The following CNTNAP2 variants were observed in gnomAD, a reference collection of about 807,000 sequenced individuals.
CNTNAP2 encodes the protein contactin-associated protein-like 2.
CNTNAP2 carries 98 observed loss-of-function variants against 155.2 expected under a neutral mutation model. The observed-to-expected ratio is 0.63, with a 90% CI of 0.54 to 0.75. CNTNAP2 has a LOEUF of 0.75. Ranked by LOEUF, CNTNAP2 falls within the 30% of genes least tolerant of loss-of-function variation. CNTNAP2 has a pLI of 0.00. For synonymous variants in CNTNAP2, 651 were observed against 631.2 expected (o/e 1.03, Z -0.47); for missense variants, 1,727 against 1,688.1 (o/e 1.02, Z -0.40).
At chr7:146,319,544 A>C (rs1464308663) in intron 1 of CNTNAP2, among the ~76,000 whole-genome samples, 1 of 152,214 alleles carries the variant, frequency 6.6e-6, no homozygotes, top group East Asian at 1.9e-4. Context: ...TTCTTATAGC[A>C]AATGTGTTAA....
intron 8 of CNTNAP2, among the ~76,000 whole-genome samples, chr7:147,280,826 C>T (rs1805018042): frequency 6.6e-6 from 1 of 151,770 alleles, no homozygotes; most frequent in Non-Finnish European, 1.5e-5. Flanking sequence ...GTAAGATATC[C>T]TTTTCATTGT....
In CNTNAP2 at chr7:148,118,022, T is replaced by C. The variant is rs1804513246; in HGVS notation, c.2384-96T>C. On this transcript the variant is annotated intron_variant, in intron 15 of 23. Coordinates refer to ENST00000361727, the MANE Select transcript of CNTNAP2 (RefSeq NM_014141.6). ...AATGAGAGAAAATAATGACTATTGCTAATGGTACTTATTAAACTCAAGCAA... is the reference window on the plus strand; with the variant it reads ...AATGAGAGAAAATAATGACTATTGCCAATGGTACTTATTAAACTCAAGCAA... The C allele has an allele frequency of 4.0e-6, 5 of 1,260,436 alleles. No individual in the cohort carries two copies. In the South Asian group the frequency reaches 4.8e-5, roughly 12 times the overall value. 78.1% of individuals were successfully genotyped at this position (1,260,436 alleles called of 1,614,324 possible).
At chr7:147,701,539 G>A (rs1343960293) in intron 13 of CNTNAP2, among the ~76,000 whole-genome samples, 2 of 152,138 alleles carry the variant, frequency 1.3e-5, no homozygotes, top group Non-Finnish European at 2.9e-5. Flanking sequence ...AGAGTATACT[G>A]TGAAGATCAG....
intron 1 of CNTNAP2, among the ~76,000 whole-genome samples, chr7:146,516,562 A>G (rs1056567706): frequency 1.3e-5 from 2 of 151,946 alleles, no homozygotes; most frequent in Non-Finnish European, 2.9e-5. Flanking sequence ...TGAGTTCATC[A>G]TGTCAGGAGG....
intron 1 of CNTNAP2, among the ~76,000 whole-genome samples, chr7:146,642,959 T>A (rs1160715013): frequency 6.6e-6 from 1 of 150,538 alleles, no homozygotes; most frequent in Non-Finnish European, 1.5e-5. Flanking sequence ...AATGTCTTCT[T>A]TTGAGAAGTG....
intron 8 of CNTNAP2, among the ~76,000 whole-genome samples, chr7:147,247,658 T>C (rs1804096264): frequency 6.6e-6 from 1 of 152,212 alleles, no homozygotes; most frequent in Non-Finnish European, 1.5e-5. Flanking sequence ...TACATTGCTG[T>C]TAAAAAAATC....
At chr7:148,388,390 C>A (rs543848410) in intron 22 of CNTNAP2, among the ~76,000 whole-genome samples, 17 of 148,450 alleles carry the variant, frequency 1.1e-4, no homozygotes, top group African/African-American at 4.0e-4. Context: ...TGAGAACATG[C>A]GGTGTTTGGT....
At chr7:147,014,754 A>C (rs1205029712) in intron 3 of CNTNAP2, among the ~76,000 whole-genome samples, 1 of 152,102 alleles carries the variant, frequency 6.6e-6, no homozygotes, top group Non-Finnish European at 1.5e-5. Context: ...AAGGCCTCAA[A>C]TCTTGCCAAC....
chr7:148,072,959 C>T (rs376942532), intron 15 of CNTNAP2, among the ~76,000 whole-genome samples: 103 of 152,274 alleles, frequency 6.8e-4, no homozygotes, highest in Non-Finnish European at 1.1e-3. Flanking sequence ...CTGCCCGCCT[C>T]GGCCCCCCAA....
intron 21 of CNTNAP2, among the ~76,000 whole-genome samples, chr7:148,374,177 C>A (rs1379118886): frequency 1.3e-5 from 2 of 151,986 alleles, no homozygotes. Flanking sequence ...TGCATTCATG[C>A]GATCTTAGTC....
intron 2 of CNTNAP2, among the ~76,000 whole-genome samples, chr7:146,777,123 C>T (rs1034501983): frequency 6.6e-6 from 1 of 152,018 alleles, no homozygotes; most frequent in Non-Finnish European, 1.5e-5. Flanking sequence ...CTCTTTTTGA[C>T]CATTGATATA....
intron 3 of CNTNAP2, among the ~76,000 whole-genome samples, chr7:146,877,050 T>G (rs550799869): frequency 6.6e-6 from 1 of 152,154 alleles, no homozygotes; most frequent in Non-Finnish European, 1.5e-5. Context: ...ATCTTAATGG[T>G]TATTTTGACT....
chr7:147,787,766 A>T (rs1417117685), intron 13 of CNTNAP2, among the ~76,000 whole-genome samples: 1 of 152,236 alleles, frequency 6.6e-6, no homozygotes, highest in Non-Finnish European at 1.5e-5. Flanking sequence ...AGGCAGCCAC[A>T]TTAGGCAATA....
intron 1 of CNTNAP2, among the ~76,000 whole-genome samples, chr7:146,190,043 C>T (rs1798679777): frequency 6.7e-6 from 1 of 148,170 alleles, no homozygotes; most frequent in South Asian, 2.1e-4. Context: ...TTCACAGACA[C>T]TAAAGACAGC....
At chr7:147,366,781 GCACACACACACACACA>G (rs71182194) in intron 9 of CNTNAP2, among the ~76,000 whole-genome samples, 1 of 105,854 alleles carries the variant, frequency 9.4e-6, no homozygotes, top group African/African-American at 2.7e-5. Flanking sequence ...TTTGTTGCAC[GCACACACACACACACA>G]CACACACACA....
chr7:147,224,873 C>A (rs565941152), intron 8 of CNTNAP2, among the ~76,000 whole-genome samples: 1 of 152,086 alleles, frequency 6.6e-6, no homozygotes, highest in South Asian at 2.1e-4. Flanking sequence ...TATTTAACAC[C>A]AAAGTTTCTT....
chr7:147,320,731 A>G (rs1429732963), intron 9 of CNTNAP2, among the ~76,000 whole-genome samples: 1 of 152,196 alleles, frequency 6.6e-6, no homozygotes, highest in Non-Finnish European at 1.5e-5. Flanking sequence ...CTTGCTAGGC[A>G]GGAATAGCAA....
intron 3 of CNTNAP2, among the ~76,000 whole-genome samples, chr7:146,877,734 T>A (rs530826142): frequency 6.6e-6 from 1 of 151,980 alleles, no homozygotes; most frequent in East Asian, 1.9e-4. Context: ...GCTATTTGGA[T>A]ATTTACTTTG....
At chr7:147,071,480 C>G (rs1860480) in intron 4 of CNTNAP2, among the ~76,000 whole-genome samples, 19,005 of 152,066 alleles carry the variant, frequency 0.12, 1,464 homozygotes, top group East Asian at 0.38. Flanking sequence ...CTGCAGTCCC[C>G]AAATATGAAA....
Sources: gnomAD v4.1 joint callset for allele counts (sites outside exome capture counted in the v4.1 genomes callset) on GRCh38, gnomAD v4.1.1 for gene constraint, MANE v1.5 for transcripts, NCBI Gene and HGNC (gene_info 2026-07-23, HGNC 2026-07-21) for gene names.